RALGPS2: variants seen among roughly 807,000 people sequenced by gnomAD.
The protein encoded by RALGPS2 is Ral GEF with PH domain and SH3 binding motif 2.
Under a neutral mutation model 86.8 loss-of-function variants are expected in RALGPS2, and 43 were observed. That is an observed-to-expected ratio of 0.50 (90% CI 0.39 to 0.64). The LOEUF (loss-of-function observed/expected upper bound fraction) is 0.64. Ranked by LOEUF, RALGPS2 falls within the 30% of genes least tolerant of loss-of-function variation. RALGPS2 has a pLI of 0.00. For missense variants in RALGPS2, 536 were observed against 694.6 expected (o/e 0.77, Z 2.57); for synonymous variants, 243 against 231.3 (o/e 1.05, Z -0.46).
At chr1:178,863,387 C>T (rs200851496) in intron 8 of RALGPS2, among the ~76,000 whole-genome samples, 1 of 151,854 alleles carries the variant, frequency 6.6e-6, no homozygotes, top group Non-Finnish European at 1.5e-5. Flanking sequence ...AGGAGACAGA[C>T]ATAAATAAAT....
intron 7 of RALGPS2, among the ~76,000 whole-genome samples, chr1:178,831,624 CCCG>C (rs200985870): frequency 2.9e-4 from 40 of 139,384 alleles, no homozygotes; most frequent in African/African-American, 7.3e-4. Flanking sequence ...TTTTGTCCGC[CCCG>C]CCCCCCCCAC....
At chr1:178,877,372 T>C in intron 8 of RALGPS2, 126 bp from the exon 9 acceptor site, 1 of 1,378,238 alleles carries the variant, frequency 7.3e-7, no homozygotes, top group Non-Finnish European at 9.7e-7. Context: ...AGTGTATTAA[T>C]AGCAATATAT....
intron 19 of RALGPS2, among the ~76,000 whole-genome samples, chr1:178,913,579 C>G (rs144023537): frequency 1.3e-5 from 2 of 152,278 alleles, no homozygotes; most frequent in African/African-American, 4.8e-5. Flanking sequence ...AGAGTTCTTG[C>G]ATTGGTTCTT....
At chr1:178,882,982 G>A (rs1238443515) in intron 10 of RALGPS2, among the ~76,000 whole-genome samples, 1 of 152,130 alleles carries the variant, frequency 6.6e-6, no homozygotes, top group African/African-American at 2.4e-5. Flanking sequence ...TAAATGTAAA[G>A]TATCAGTGTA....
At chr1:178,816,931 A>T (rs1172387705) in intron 6 of RALGPS2, among the ~76,000 whole-genome samples, 2 of 151,544 alleles carry the variant, frequency 1.3e-5, no homozygotes, top group African/African-American at 4.8e-5. Flanking sequence ...CTGGTCTCGA[A>T]CTCCTGACTC....
intron 1 of RALGPS2, among the ~76,000 whole-genome samples, chr1:178,755,632 A>C (rs1651917445): frequency 6.6e-6 from 1 of 152,234 alleles, no homozygotes. Flanking sequence ...TGCTATTGTG[A>C]ATAGTGCTGT....
At chr1:178,782,096 A>G (rs11801661) in intron 2 of RALGPS2, among the ~76,000 whole-genome samples, 37,670 of 152,104 alleles carry the variant, frequency 0.25, 5,227 homozygotes, top group Non-Finnish European at 0.32. Context: ...AACAGAGCAC[A>G]TTTAACAGTG....
intron 7 of RALGPS2, among the ~76,000 whole-genome samples, chr1:178,830,904 G>C (rs1655984711): frequency 6.6e-6 from 1 of 151,226 alleles, no homozygotes; most frequent in Non-Finnish European, 1.5e-5. Flanking sequence ...AACGAAAAAA[G>C]AAAAAAAATA....
intron 7 of RALGPS2, among the ~76,000 whole-genome samples, chr1:178,823,897 T>C (rs572858288): frequency 2.6e-5 from 4 of 152,186 alleles, no homozygotes; most frequent in East Asian, 3.9e-4. Flanking sequence ...ATTGTTATAA[T>C]CATCAATGTA....
intron 4 of RALGPS2, among the ~76,000 whole-genome samples, chr1:178,805,699 T>C (rs1054670285): frequency 6.6e-6 from 1 of 152,182 alleles, no homozygotes; most frequent in Non-Finnish European, 1.5e-5. Flanking sequence ...CTCTTTACTA[T>C]AGAAGATGAT....
intron 19 of RALGPS2, 45 bp from the exon 20 acceptor site, chr1:178,916,285 G>A (rs1416854776): frequency 7.3e-6 from 11 of 1,504,370 alleles, no homozygotes; most frequent in Non-Finnish European, 1.0e-5. Flanking sequence ...ATACTCCTTT[G>A]AAAAACAACT....
chr1:178,895,403 G>A (rs1184652124), intron 16 of RALGPS2, among the ~76,000 whole-genome samples: 1 of 152,046 alleles, frequency 6.6e-6, no homozygotes, highest in Admixed American at 6.6e-5. Context: ...ATAGAGCAGT[G>A]AACAAGGTGA....
rs1659830770 is a variant in RALGPS2, at chr1:178,894,002, T to C, written c.1409T>C (p.Leu470Ser). Residue 470 changes from leucine to serine, a missense_variant, in exon 16 of 20, where the codon TTA becomes TCA. Physicochemically the swap from Leu to Ser is moderately radical, Grantham distance 145. Around this residue, in one of 3 missense-constraint regions of RALGPS2, gnomAD observed 309 missense variants for 363.0 expected, o/e 0.85. Transcript: ENST00000367635. ...GGTGTTCTCAGGAGAAAAACTTTGTTAAAAGAAGGCAAAAAGCCTACAGTA... is the reference window on the plus strand; with the variant it reads ...GGTGTTCTCAGGAGAAAAACTTTGTCAAAAGAAGGCAAAAAGCCTACAGTA... ...IQGVLRRKTL[L>S]KEGKKPTVAS... 6.3e-7 allele frequency: 1 copy of C among 1,599,346 alleles called. No individual in the cohort carries two copies. Among genetic ancestry groups the C allele is most frequent in the Non-Finnish European group, 8.6e-7 (1 of 1,169,368 alleles).
At chr1:178,839,496 A>G (rs942859062) in intron 8 of RALGPS2, among the ~76,000 whole-genome samples, 4 of 152,144 alleles carry the variant, frequency 2.6e-5, no homozygotes, top group East Asian at 1.9e-4. Context: ...CTGCCTTACA[A>G]GAGCTCCTGA....
At position 178,877,645 on chromosome 1, in the gene RALGPS2, TA is replaced by T. The variant is rs1373495563; in HGVS notation, c.745+11del. The T allele has an allele frequency of 1.2e-6, 2 of 1,612,236 alleles. No individual in the cohort carries two copies. Among genetic ancestry groups the T allele is most frequent in the Non-Finnish European group, 1.7e-6 (2 of 1,178,904 alleles). ...CAGTCTTGTGAATATGGTAAGTTTC[TA>T]GGGGATAATGCCAAGCCATTAAGAT... is the stretch of plus-strand genomic sequence containing the variant. On this transcript the variant is annotated intron_variant, in intron 9 of 19. Coordinates refer to ENST00000367635, the MANE Select transcript of RALGPS2 (RefSeq NM_152663.5).
At chr1:178,734,077 A>G (rs997498037) in intron 1 of RALGPS2, among the ~76,000 whole-genome samples, 2 of 152,264 alleles carry the variant, frequency 1.3e-5, no homozygotes, top group Non-Finnish European at 2.9e-5. Context: ...AAATTTCTCA[A>G]AGATAAACAA....
intron 12 of RALGPS2, 104 bp from the exon 13 acceptor site, chr1:178,885,865 T>A: frequency 9.9e-7 from 1 of 1,010,176 alleles, no homozygotes; most frequent in Non-Finnish European, 1.4e-6. Flanking sequence ...AAGATCTGAG[T>A]ATGACAGTTA....
intron 8 of RALGPS2, among the ~76,000 whole-genome samples, chr1:178,866,599 C>T (rs1036597220): frequency 6.6e-5 from 10 of 152,116 alleles, no homozygotes; most frequent in Non-Finnish European, 1.5e-4. Context: ...TAATTTTCTA[C>T]AACCATTACC....
intron 2 of RALGPS2, among the ~76,000 whole-genome samples, chr1:178,783,233 A>G (rs1353999082): frequency 6.6e-6 from 1 of 152,214 alleles, no homozygotes; most frequent in Admixed American, 6.5e-5. Context: ...TGAGCTAACC[A>G]GTACCAGTAG....
Sources: gnomAD v4.1 joint callset for allele counts (sites outside exome capture counted in the v4.1 genomes callset) on GRCh38, gnomAD v4.1.1 for gene constraint, gnomAD v4.1.1 regional missense constraint, MANE v1.5 for transcripts, NCBI Gene and HGNC (gene_info 2026-07-23, HGNC 2026-07-21) for gene names.